Variants in CHST11 observed in about 807,000 individuals in gnomAD.
CHST11 encodes the protein carbohydrate sulfotransferase 11, also known as C4S-1.
In CHST11, 9 loss-of-function variants were observed where a neutral mutation model predicts 30.4. The observed-to-expected ratio is 0.30, with a 90% CI of 0.18 to 0.52. The LOEUF (loss-of-function observed/expected upper bound fraction) is 0.52. CHST11 is among the 20% of genes least tolerant of loss of function. The pLI, the probability that CHST11 is intolerant of heterozygous loss-of-function variation, is 0.97. For missense variants in CHST11, 348 were observed against 460.6 expected, an observed-to-expected ratio of 0.76 and a Z score of 2.24; for synonymous variants, 152 against 187.8, an observed-to-expected ratio of 0.81 and a Z score of 1.56.
chr12:104,488,690 CGTATGTGTGT>C (rs1290639050), intron 1 of CHST11, among the ~76,000 whole-genome samples: 1 of 102,960 alleles, frequency 9.7e-6, no homozygotes, highest in Admixed American at 9.5e-5. Context: ...TCTGTGTATG[CGTATGTGTGT>C]GTATGTGTGT....
chr12:104,648,545 C>T (rs144947425), intron 2 of CHST11, among the ~76,000 whole-genome samples: 1,938 of 152,230 alleles, frequency 0.013, 41 homozygotes, highest in African/African-American at 0.043. Flanking sequence ...CATGGTGGCT[C>T]ATGCCTATAA....
chr12:104,618,228 T>C (rs898453302), intron 2 of CHST11, among the ~76,000 whole-genome samples: 4 of 149,922 alleles, frequency 2.7e-5, no homozygotes, highest in South Asian at 4.2e-4. Flanking sequence ...TCTTTTCTTT[T>C]TTTTTTTTTT....
chr12:104,558,184 G>A (rs997013376), intron 1 of CHST11, among the ~76,000 whole-genome samples: 1 of 152,050 alleles, frequency 6.6e-6, no homozygotes, highest in African/African-American at 2.4e-5. Context: ...GTGAATAAAG[G>A]GAAGAGCTGA....
intron 2 of CHST11, among the ~76,000 whole-genome samples, chr12:104,713,321 G>A (rs1198882490): frequency 6.6e-6 from 1 of 152,086 alleles, no homozygotes; most frequent in African/African-American, 2.4e-5. Flanking sequence ...TTTAGCCAAA[G>A]TGAGACAGTG....
intron 2 of CHST11, among the ~76,000 whole-genome samples, chr12:104,691,198 G>C (rs777052041): frequency 6.6e-6 from 1 of 152,166 alleles, no homozygotes; most frequent in African/African-American, 2.4e-5. Context: ...AATAAGGCAC[G>C]GGAAGGGTTG....
intron 1 of CHST11, among the ~76,000 whole-genome samples, chr12:104,475,688 A>ATATATATTTATT (rs1555226434): frequency 7.6e-5 from 6 of 78,464 alleles, no homozygotes; most frequent in Non-Finnish European, 1.7e-4. Flanking sequence ...ATATATATAT[A>ATATATATTTATT]TATTTCTGAT....
intron 1 of CHST11, among the ~76,000 whole-genome samples, chr12:104,582,188 T>G (rs1485851494): frequency 6.6e-6 from 1 of 152,162 alleles, no homozygotes; most frequent in East Asian, 1.9e-4. Flanking sequence ...AATAACTTTA[T>G]CAGGCAGGTT....
intron 2 of CHST11, among the ~76,000 whole-genome samples, chr12:104,662,891 G>A (rs566393462): frequency 6.6e-6 from 1 of 152,330 alleles, no homozygotes; most frequent in East Asian, 1.9e-4. Flanking sequence ...TGACCTCCGT[G>A]AAGGAATTGA....
intron 1 of CHST11, among the ~76,000 whole-genome samples, chr12:104,469,778 A>G (rs2037490306): frequency 6.6e-6 from 1 of 152,186 alleles, no homozygotes; most frequent in Non-Finnish European, 1.5e-5. Flanking sequence ...CAAAGACTCC[A>G]TAACCCTGAT....
chr12:104,469,711 C>G (rs2135953375), intron 1 of CHST11, among the ~76,000 whole-genome samples: 1 of 152,272 alleles, frequency 6.6e-6, no homozygotes, highest in South Asian at 2.1e-4. Context: ...GCATTTGTAG[C>G]TGGGGCACAG....
chr12:104,729,477 A>T lies in CHST11; in HGVS notation c.205-27472A>T, dbSNP rs927952806. Reference sequence around the variant, plus strand: ...GTGAAGAATGCAGATTCCTGTGCCCAGATTGGGTTTCTGGGAGCAGGGCCC... The same window carrying T: ...GTGAAGAATGCAGATTCCTGTGCCCTGATTGGGTTTCTGGGAGCAGGGCCC... On this transcript the variant is annotated intron_variant, in intron 2 of 2. Coordinates refer to ENST00000303694, the MANE Select transcript of CHST11 (RefSeq NM_018413.6). This position sits in a 1 kb window ranked among gnomAD's most constrained non-coding sequence, Gnocchi z 4.0. Among the ~76,000 whole-genome samples, 1 of 152,134 alleles carries T rather than the reference A, an allele frequency of 6.6e-6. No homozygotes were observed. The highest frequency in any genetic ancestry group is 2.4e-5 in the African/African-American group (1 of 41,444).
rs140775612 is a variant in CHST11, at chr12:104,715,025, A to G, written c.205-41924A>G. Among the ~76,000 whole-genome samples, 820 of 152,324 alleles carry G rather than the reference A, an allele frequency of 5.4e-3. 9 individuals are homozygous for G. Among genetic ancestry groups the G allele is most frequent in the African/African-American group, 0.019 (784 of 41,566 alleles). On this transcript the variant is annotated intron_variant, in intron 2 of 2. Transcript: ENST00000303694. ...CGAACCCTTGACTTGCCAGAAGTCC[A>G]TGGGCAAGTTCTGGCTCCTGTGCCA...
intron 2 of CHST11, among the ~76,000 whole-genome samples, chr12:104,615,052 C>T (rs1267765939): frequency 6.6e-6 from 1 of 152,214 alleles, no homozygotes; most frequent in Non-Finnish European, 1.5e-5. Context: ...GTCTGCATTA[C>T]CGCACTGGGA....
At chr12:104,571,415 G>C (rs1420640872) in intron 1 of CHST11, among the ~76,000 whole-genome samples, 1 of 152,068 alleles carries the variant, frequency 6.6e-6, no homozygotes, top group Non-Finnish European at 1.5e-5. Context: ...CGCCCGCTTC[G>C]GCCTCCCAAA....
intron 1 of CHST11, among the ~76,000 whole-genome samples, chr12:104,502,334 A>G (rs1478829679): frequency 2.6e-5 from 4 of 152,104 alleles, no homozygotes; most frequent in African/African-American, 9.7e-5. Context: ...GATGTGAGCT[A>G]TTGTGCCCAG....
In CHST11 at chr12:104,528,087, A is replaced by G. The variant is rs1232614525; in HGVS notation, c.118+70558A>G. On this transcript the variant is annotated intron_variant, in intron 1 of 2. Coordinates refer to ENST00000303694, the MANE Select transcript of CHST11 (RefSeq NM_018413.6). ...CAGAGCCAAACCATATCAGATGATA[A>G]ACCTTGATTTTTCACAGGGTGTTAA... 4.6e-5 allele frequency among the ~76,000 whole-genome samples: 7 copies of G among 152,300 alleles called. No homozygotes were observed. In the South Asian group the frequency reaches 6.2e-4, roughly 14 times the overall value.
At chr12:104,526,222 A>AAAAG (rs2038123928) in intron 1 of CHST11, among the ~76,000 whole-genome samples, 1 of 150,618 alleles carries the variant, frequency 6.6e-6, no homozygotes, top group African/African-American at 2.5e-5. Flanking sequence ...TCTTAAAAAA[A>AAAAG]AAAAGAAAAG....
intron 1 of CHST11, among the ~76,000 whole-genome samples, chr12:104,535,542 G>T (rs1304188747): frequency 6.6e-6 from 1 of 152,158 alleles, no homozygotes; most frequent in African/African-American, 2.4e-5. Flanking sequence ...GTGGAATGTT[G>T]CTTACCTCAA....
chr12:104,654,803 G>C (rs548173465), intron 2 of CHST11, among the ~76,000 whole-genome samples: 1 of 152,242 alleles, frequency 6.6e-6, no homozygotes, highest in East Asian at 1.9e-4. Flanking sequence ...AGTTAACCAT[G>C]AGCCCCTCCA....
Sources: gnomAD v4.1 joint callset for allele counts (sites outside exome capture counted in the v4.1 genomes callset) on GRCh38, gnomAD v4.1.1 for gene constraint, Gnocchi (gnomAD v3.1) non-coding constraint, MANE v1.5 for transcripts, NCBI Gene and HGNC (gene_info 2026-07-23, HGNC 2026-07-21) for gene names.